The following ICA1 variants were observed in gnomAD, a reference collection of about 807,000 sequenced individuals.
ICA1 encodes 69 kDa islet cell autoantigen.
In ICA1, 40 loss-of-function variants were observed where a neutral mutation model predicts 71.0. The observed-to-expected ratio is 0.56, with a 90% CI of 0.44 to 0.73. ICA1 has a LOEUF of 0.73. ICA1 is among the 30% of genes least tolerant of loss of function. The pLI is 0.00. For synonymous variants in ICA1, 207 were observed against 209.5 expected (o/e 0.99, Z 0.10); for missense variants, 578 against 576.5 (o/e 1.00, Z -0.03).
intron 6 of ICA1, among the ~76,000 whole-genome samples, chr7:8,183,766 T>C (rs1782988179): frequency 6.6e-6 from 1 of 152,172 alleles, no homozygotes. Flanking sequence ...GCCCTGTGTT[T>C]AGCACTATGG....
rs530978815 is a variant in ICA1 at position 8,144,527 on chromosome 7, G to A, written c.805-555C>T. On this transcript the variant is annotated intron_variant, in intron 8 of 13. Coordinates refer to ENST00000402384, the MANE Select transcript of ICA1 (RefSeq NM_001136020.3). The surrounding 1 kb of genome is among the most constrained non-coding windows in gnomAD (Gnocchi z 4.5). ...CATATTCTGACAACCTAACTCCCACGAGTGGACAGAGCAGGTGCATCCAAA... is the reference window on the plus strand; with the variant it reads ...CATATTCTGACAACCTAACTCCCACAAGTGGACAGAGCAGGTGCATCCAAA... 3.3e-5 allele frequency among the ~76,000 whole-genome samples: 5 copies of A among 152,312 alleles called. No individual in the cohort carries two copies. Among genetic ancestry groups the A allele is most frequent in the South Asian group, 2.1e-4 (1 of 4,830 alleles).
At chr7:8,168,187 G>A (rs1806870612) in intron 6 of ICA1, among the ~76,000 whole-genome samples, 1 of 152,104 alleles carries the variant, frequency 6.6e-6, no homozygotes, top group Admixed American at 6.6e-5. Context: ...AATCCGGATA[G>A]CACAGACACA....
intron 6 of ICA1, among the ~76,000 whole-genome samples, chr7:8,169,983 C>A (rs1489515069): frequency 6.7e-6 from 1 of 150,254 alleles, no homozygotes; most frequent in East Asian, 2.0e-4. Context: ...TGTTTTCCTG[C>A]ACTTTTTCTT....
intron 6 of ICA1, among the ~76,000 whole-genome samples, chr7:8,188,740 G>A (rs965093210): frequency 4.5e-4 from 68 of 152,308 alleles, no homozygotes; most frequent in Admixed American, 1.2e-3. Context: ...GGGCAGGGAA[G>A]GCCCCAAGGA....
At chr7:8,137,952 C>T (rs1228807233) in intron 12 of ICA1, among the ~76,000 whole-genome samples, 4 of 152,158 alleles carry the variant, frequency 2.6e-5, no homozygotes, top group Admixed American at 2.6e-4. Context: ...ATAACTTCGG[C>T]CAGTCTGTAG....
intron 1 of ICA1, among the ~76,000 whole-genome samples, chr7:8,257,498 C>A (rs535681489): frequency 2.0e-5 from 3 of 152,180 alleles, no homozygotes; most frequent in Non-Finnish European, 4.4e-5. Flanking sequence ...TAACTAGAAC[C>A]AGAGGACCTT....
intron 10 of ICA1, among the ~76,000 whole-genome samples, chr7:8,140,571 T>G (rs920956690): frequency 6.6e-6 from 1 of 152,246 alleles, no homozygotes; most frequent in African/African-American, 2.4e-5. Flanking sequence ...TACCATCTGC[T>G]TGCCCTTTTG....
chr7:8,156,150 C>A (rs1476336077), intron 8 of ICA1, among the ~76,000 whole-genome samples: 2 of 152,138 alleles, frequency 1.3e-5, no homozygotes, highest in South Asian at 2.1e-4. Context: ...CCTCTTGGAA[C>A]CTTCATTTTA....
chr7:8,175,529 CT>C (rs1562843179), intron 6 of ICA1, among the ~76,000 whole-genome samples: 4 of 105,802 alleles, frequency 3.8e-5, no homozygotes. Flanking sequence ...GGGTTTTTTT[CT>C]TTATATCCAC....
intron 6 of ICA1, among the ~76,000 whole-genome samples, chr7:8,198,270 G>C (rs10952096): frequency 0.46 from 70,040 of 152,234 alleles, 20,039 homozygotes; most frequent in South Asian, 0.73. Flanking sequence ...CCACATACCT[G>C]CTGAGATGGT....
At chr7:8,259,838 G>C (rs1225083891) in intron 1 of ICA1, among the ~76,000 whole-genome samples, 2 of 152,146 alleles carry the variant, frequency 1.3e-5, no homozygotes, top group African/African-American at 4.8e-5. Context: ...AAAAAAGCGG[G>C]GGAAAAGTGT....
At chr7:8,149,159 T>C (rs1199566031) in intron 8 of ICA1, among the ~76,000 whole-genome samples, 1 of 152,200 alleles carries the variant, frequency 6.6e-6, no homozygotes, top group East Asian at 1.9e-4. Flanking sequence ...AGATGAACCA[T>C]TATTTCCAAT....
intron 6 of ICA1, among the ~76,000 whole-genome samples, chr7:8,209,429 A>G (rs1792826211): frequency 6.6e-6 from 1 of 152,218 alleles, no homozygotes; most frequent in African/African-American, 2.4e-5. Context: ...TAGGATGTTA[A>G]TATCAAATGA....
intron 12 of ICA1, among the ~76,000 whole-genome samples, chr7:8,128,843 C>T (rs888332233): frequency 5.3e-5 from 8 of 152,178 alleles, no homozygotes; most frequent in African/African-American, 1.2e-4. Flanking sequence ...AAGTGAGCAC[C>T]GGATCAGAGG....
At chr7:8,236,093 C>G (rs1001371665) in intron 1 of ICA1, 88 bp from the exon 2 acceptor site, 1 of 673,322 alleles carries the variant, frequency 1.5e-6, no homozygotes, top group Admixed American at 3.0e-5. Context: ...CAACCTAAGC[C>G]ATTTCTAGCT....
In ICA1 at chr7:8,141,811, A is replaced by T. The variant is rs774272286; in HGVS notation, c.909T>A (p.Ile303=). ...DAAVQEPSQL[I]SLEEENQRKE... ...TGCGCTGGTTTTCTTCCTCTAATGA[A>T]ATTAATCTTAAAATAAAAAAGAGGT... The change falls in exon 10 of 14, where the codon ATT becomes ATA. Residue 303 remains isoleucine (I), a synonymous_variant. Coordinates refer to ENST00000402384, the MANE Select transcript of ICA1 (RefSeq NM_001136020.3). 5.8e-6 allele frequency: 9 copies of T among 1,563,910 alleles called. No homozygotes were observed. The highest frequency in any genetic ancestry group is 1.7e-4 in the Middle Eastern group (1 of 5,956).
chr7:8,208,908 G>A (rs941015409), intron 6 of ICA1, among the ~76,000 whole-genome samples: 1 of 152,154 alleles, frequency 6.6e-6, no homozygotes, highest in Non-Finnish European at 1.5e-5. Flanking sequence ...CTGAGGCACT[G>A]AGGAGCCCTT....
intron 13 of ICA1, among the ~76,000 whole-genome samples, chr7:8,119,307 TG>T (rs1481478531): frequency 1.3e-5 from 2 of 152,084 alleles, no homozygotes; most frequent in Non-Finnish European, 2.9e-5. Flanking sequence ...TGTGACACAA[TG>T]GGAACTCAAA....
chr7:8,253,897 T>C (rs1373714494), intron 1 of ICA1, among the ~76,000 whole-genome samples: 1 of 152,212 alleles, frequency 6.6e-6, no homozygotes, highest in Admixed American at 6.5e-5. Flanking sequence ...AGTATGAATG[T>C]GGGGACTATA....
Sources: allele counts gnomAD v4.1 joint callset (sites outside exome capture counted in the v4.1 genomes callset), GRCh38; gene constraint gnomAD v4.1.1; non-coding constraint Gnocchi (gnomAD v3.1); transcripts MANE v1.5; gene names NCBI Gene and HGNC (gene_info 2026-07-23, HGNC 2026-07-21).